NPSR1: variants seen among roughly 807,000 people sequenced by gnomAD.
NPSR1 encodes neuropeptide S receptor 1, also known as neuropeptide S receptor.
In NPSR1, 48 loss-of-function variants were observed where a neutral mutation model predicts 46.9. The observed-to-expected ratio is 1.02, with a 90% CI of 0.81 to 1.30. The LOEUF is 1.30. NPSR1 is among the 50% of genes most tolerant of loss of function. The probability of loss-of-function intolerance (pLI) is 0.00; values close to 1 mark genes in which losing one functional copy is unlikely to be tolerated. For synonymous variants in NPSR1, 176 were observed against 168.1 expected (o/e 1.05, Z -0.36); for missense variants, 450 against 449.5 (o/e 1.00, Z -0.01).
At position 34,684,535 on chromosome 7, in the gene NPSR1, TTC is replaced by T. The variant is rs766553237; in HGVS notation, c.148-13_148-12del. 1.9e-6 allele frequency: 3 copies of T among 1,611,480 alleles called. No individual in the cohort carries two copies. Among genetic ancestry groups the T allele is most frequent in the South Asian group, 2.2e-5 (2 of 90,546 alleles). ...TCTCACTGGTACACTGGTTTTATTT[TTC>T]TCTGTTTCTTGCAGACTGAGCAATT... On this transcript the variant is annotated splice_polypyrimidine_tract_variant and intron_variant, in intron 1 of 8. Transcript: ENST00000360581.
chr7:34,848,561 G>C lies in NPSR1; in HGVS notation c.923G>C (p.Arg308Pro). The C allele has an allele frequency of 6.2e-7, 1 of 1,614,128 alleles. No individual in the cohort carries two copies. Among genetic ancestry groups the C allele is most frequent in the Non-Finnish European group, 8.5e-7 (1 of 1,180,004 alleles). The change falls in exon 8 of 9, where the codon CGT (arginine) becomes CCT (proline). Residue 308 changes from arginine to proline, a missense_variant. By Grantham distance (103) the Arg-to-Pro change is moderately radical (BLOSUM62 -2). Coordinates refer to ENST00000360581, the MANE Select transcript of NPSR1 (RefSeq NM_207172.2). Reference protein sequence around the residue: ...NFNLLPDTQERFYASVIIQNL... With the variant: ...NFNLLPDTQEPFYASVIIQNL... The stretch of plus-strand genomic sequence containing the variant: ...AACCTCCTTCCAGACACCCAGGAGC[G>C]TTTCTATGCCTCTGTGATCATTCAG...
chr7:34,798,317 T>A lies in NPSR1; in HGVS notation c.385-13453T>A, dbSNP rs537368624. Among the ~76,000 whole-genome samples, 297 of 152,236 alleles carry A rather than the reference T, an allele frequency of 2.0e-3. 1 individual carries two copies. Among genetic ancestry groups the A allele is most frequent in the Non-Finnish European group, 3.5e-3 (241 of 68,016 alleles). ...TGGGAGGCCGAGGCAGGTGGATCAC[T>A]TGAGGTCAGGAGCTTGTGGCCAGCC... On this transcript the variant is annotated intron_variant, in intron 3 of 8. Coordinates refer to ENST00000360581, the MANE Select transcript of NPSR1 (RefSeq NM_207172.2).
intron 4 of NPSR1, among the ~76,000 whole-genome samples, chr7:34,824,419 C>G (rs939724862): frequency 2.0e-5 from 3 of 152,144 alleles, no homozygotes; most frequent in Non-Finnish European, 4.4e-5. Flanking sequence ...TCTGTTCGAT[C>G]CTGGATCCTT....
At position 34,796,816 on chromosome 7, in the gene NPSR1, G is replaced by A. The variant is rs531199241; in HGVS notation, c.385-14954G>A. Among the ~76,000 whole-genome samples the A allele has an allele frequency of 3.9e-5, 6 of 152,260 alleles. No individual in the cohort carries two copies. The East Asian group carries it at 1.2e-3, about 29-fold the overall frequency. ...TCTTACCATGCATTCCAGCAATTGT[G>A]CTCCTGGGTATTTACCCAAATAAGT... is the stretch of plus-strand genomic sequence containing the variant. On this transcript the variant is annotated intron_variant, in intron 3 of 8. Transcript: ENST00000360581.
At chr7:34,845,119 C>A in intron 7 of NPSR1, 137 bp downstream of exon 7, 1 of 682,674 alleles carries the variant, frequency 1.5e-6, no homozygotes, top group Non-Finnish European at 2.7e-6. Flanking sequence ...ATGTGTGAAA[C>A]TCATCAGCCC....
chr7:34,746,671 C>T (rs186707695), intron 2 of NPSR1, among the ~76,000 whole-genome samples: 2 of 152,232 alleles, frequency 1.3e-5, no homozygotes, highest in Admixed American at 6.5e-5. Context: ...GTTTTTACTG[C>T]CACAATGCAG....
At chr7:34,742,844 C>A (rs1785017212) in intron 2 of NPSR1, among the ~76,000 whole-genome samples, 1 of 152,104 alleles carries the variant, frequency 6.6e-6, no homozygotes, top group South Asian at 2.1e-4. Context: ...TTAGTAATAG[C>A]CATTCTGATG....
At chr7:34,785,550 T>C (rs1787429056) in intron 3 of NPSR1, among the ~76,000 whole-genome samples, 1 of 151,704 alleles carries the variant, frequency 6.6e-6, no homozygotes. Context: ...AAAGAAAATA[T>C]ATAAAAGTAT....
At chr7:34,851,305 CTT>C (rs11337710), downstream of NPSR1, among the ~76,000 whole-genome samples, 39,706 of 135,818 alleles carry the variant, frequency 0.29, 5,505 homozygotes, top group Middle Eastern at 0.36. Context: ...GTCATGTGGG[CTT>C]TTTTTTTTTT....
chr7:34,710,466 G>T (rs34998481), intron 2 of NPSR1, among the ~76,000 whole-genome samples: 138 of 152,302 alleles, frequency 9.1e-4, no homozygotes, highest in African/African-American at 3.2e-3. Context: ...TTCAAAGAAG[G>T]TAAATTGTAT....
intron 2 of NPSR1, among the ~76,000 whole-genome samples, chr7:34,740,912 C>T (rs1290670710): frequency 6.6e-6 from 1 of 152,194 alleles, no homozygotes; most frequent in African/African-American, 2.4e-5. Context: ...GCAATCTAGT[C>T]CTGCCTCCTG....
At chr7:34,739,915 T>A (rs1347260681) in intron 2 of NPSR1, among the ~76,000 whole-genome samples, 2 of 152,152 alleles carry the variant, frequency 1.3e-5, no homozygotes, top group Non-Finnish European at 2.9e-5. Flanking sequence ...TAAGAGAGCA[T>A]CAGCTGTGGT....
intron 1 of NPSR1, among the ~76,000 whole-genome samples, chr7:34,662,959 G>C (rs1451494837): frequency 6.6e-6 from 1 of 152,064 alleles, no homozygotes; most frequent in Non-Finnish European, 1.5e-5. Context: ...TCATTGCAGA[G>C]CTTTTCAGCC....
chr7:34,818,183 C>T (rs1191757336), intron 4 of NPSR1, among the ~76,000 whole-genome samples: 1 of 151,756 alleles, frequency 6.6e-6, no homozygotes, highest in African/African-American at 2.4e-5. Context: ...TGTCTCAGCC[C>T]AAAATCTCCT....
At chr7:34,848,743 C>G in intron 8 of NPSR1, 80 bp downstream of exon 8, 1 of 1,246,664 alleles carries the variant, frequency 8.0e-7, no homozygotes, top group Non-Finnish European at 1.1e-6. Flanking sequence ...TTTCTCATGT[C>G]CAAACTCTCC....
At chr7:34,825,718 A>T (rs1789799219) in intron 4 of NPSR1, among the ~76,000 whole-genome samples, 2 of 152,108 alleles carry the variant, frequency 1.3e-5, no homozygotes, top group African/African-American at 4.8e-5. Flanking sequence ...GGGACCAAGA[A>T]TCAGCTTTGG....
At chr7:34,831,340 CAA>C (rs1790109619) in intron 5 of NPSR1, among the ~76,000 whole-genome samples, 2 of 144,932 alleles carry the variant, frequency 1.4e-5, no homozygotes, top group Admixed American at 6.9e-5. Context: ...CACACACACA[CAA>C]ACACACGTGT....
chr7:34,736,240 C>T lies in NPSR1; in HGVS notation c.281-42222C>T, dbSNP rs527656691. ...CCTGAAACAACCTCTCTGCCCTCCC[C>T]GTCTCCTCTAGTCTTCATATAATAA... On this transcript the variant is annotated intron_variant, in intron 2 of 8. Transcript: ENST00000360581. 5.9e-5 allele frequency among the ~76,000 whole-genome samples: 9 copies of T among 152,204 alleles called. No individual in the cohort carries two copies. In the South Asian group the frequency reaches 1.0e-3, roughly 18 times the overall value.
chr7:34,698,772 G>A (rs184194775), intron 2 of NPSR1, among the ~76,000 whole-genome samples: 1 of 152,270 alleles, frequency 6.6e-6, no homozygotes, highest in Admixed American at 6.5e-5. Flanking sequence ...CAAATCATAT[G>A]TTTGACAAGG....
Sources: gnomAD v4.1 joint callset for allele counts (sites outside exome capture counted in the v4.1 genomes callset) on GRCh38, gnomAD v4.1.1 for gene constraint, MANE v1.5 for transcripts, NCBI Gene and HGNC (gene_info 2026-07-23, HGNC 2026-07-21) for gene names.